Variants in EXO5 observed in about 807,000 individuals in gnomAD.
The protein encoded by EXO5 is exonuclease 5.
Under a neutral mutation model 17.8 loss-of-function variants are expected in EXO5, and 11 were observed. The ratio of observed to expected loss-of-function variants is 0.62; its 90% CI spans 0.39 to 1.02. EXO5 has a LOEUF of 1.02. EXO5 is among the 50% of genes least tolerant of loss of function. The pLI is 0.00. For synonymous variants in EXO5, 147 were observed against 166.5 expected, an observed-to-expected ratio of 0.88 and a Z score of 0.90; for missense variants, 364 against 434.8, an observed-to-expected ratio of 0.84 and a Z score of 1.45.
Position 40,515,111 on chromosome 1 carries a change from G to A in EXO5, c.567G>A (p.Lys189=), listed in dbSNP as rs769203925. 6.8e-6 allele frequency: 11 copies of A among 1,614,048 alleles called. No homozygotes were observed. In the East Asian group the frequency reaches 2.4e-4, roughly 36 times the overall value. Residue 189 remains lysine (K), a synonymous_variant, in exon 4 of 4, where the codon AAG becomes AAA. Transcript: ENST00000415550. ...GVIDELHYTA[K]GELELAELKT... ...TTGATGAGCTGCACTATACAGCCAAGGGGGAACTGGAGCTGGCGGAACTCA... is the reference window on the plus strand; with the variant it reads ...TTGATGAGCTGCACTATACAGCCAAAGGGGAACTGGAGCTGGCGGAACTCA...
chr1:40,512,627 G>A lies in EXO5; in HGVS notation c.-30-1888G>A, dbSNP rs566096308. Among the ~76,000 whole-genome samples the A allele has an allele frequency of 2.6e-5, 4 of 152,128 alleles. No individual in the cohort carries two copies. In the South Asian group the frequency reaches 8.3e-4, roughly 32 times the overall value. ...AATTTTCTTTTTCTTTTGAGATGGA[G>A]TCTTCACTCTGTCACCCAGGCTGGA... On this transcript the variant is annotated intron_variant, in intron 3 of 3. Coordinates refer to ENST00000415550, the MANE Select transcript of EXO5 (RefSeq NM_001346953.2).
chr1:40,513,954 G>C lies in EXO5; in HGVS notation c.-30-561G>C, dbSNP rs111382147. On this transcript the variant is annotated intron_variant, in intron 3 of 3. Transcript: ENST00000415550. ...GGTGATTTGCTTAAAGTCACACACA[G>C]TATGTTAGTGGAAGATCCAGGAATA... is the stretch of plus-strand genomic sequence containing the variant. Among the ~76,000 whole-genome samples the C allele has an allele frequency of 9.7e-3, 1,477 of 152,050 alleles. 18 individuals are homozygous for C. Among genetic ancestry groups the C allele is most frequent in the South Asian group, 0.033 (161 of 4,814 alleles).
intron 3 of EXO5, among the ~76,000 whole-genome samples, chr1:40,512,977 A>C (rs1323952866): frequency 6.6e-6 from 1 of 152,110 alleles, no homozygotes; most frequent in Non-Finnish European, 1.5e-5. Flanking sequence ...TCCCCATCCC[A>C]CAGTAGGGTA....
At chr1:40,514,328 G>T in intron 3 of EXO5, 187 bp from the exon 4 acceptor site, 1 of 445,776 alleles carries the variant, frequency 2.2e-6, no homozygotes, top group Non-Finnish European at 3.9e-6. Context: ...TATATATAAG[G>T]AGCCCTATAG....
intron 3 of EXO5, among the ~76,000 whole-genome samples, chr1:40,511,682 G>A (rs1570075973): frequency 2.0e-5 from 3 of 152,144 alleles, no homozygotes; most frequent in East Asian, 3.8e-4. Context: ...GCAAGAAGGG[G>A]ACATTTGGTT....
chr1:40,511,089 G>GC (rs1645768668), intron 3 of EXO5, among the ~76,000 whole-genome samples: 1 of 152,142 alleles, frequency 6.6e-6, no homozygotes, highest in Non-Finnish European at 1.5e-5. Context: ...ACAAAAATTA[G>GC]CTGGGCGCGG....
chr1:40,510,539 A>G (rs1557579921), intron 3 of EXO5, among the ~76,000 whole-genome samples: 1 of 152,256 alleles, frequency 6.6e-6, no homozygotes, highest in Non-Finnish European at 1.5e-5. Context: ...TTCCCTGTTT[A>G]GAACTACCTG....
At chr1:40,511,136 G>A (rs1215813078) in intron 3 of EXO5, among the ~76,000 whole-genome samples, 1 of 152,204 alleles carries the variant, frequency 6.6e-6, no homozygotes, top group African/African-American at 2.4e-5. Flanking sequence ...TCGGGAGGCT[G>A]AGGCAGGAGA....
chr1:40,511,018 G>T (rs953092899), intron 3 of EXO5, among the ~76,000 whole-genome samples: 5 of 152,126 alleles, frequency 3.3e-5, no homozygotes, highest in African/African-American at 1.2e-4. Flanking sequence ...GGTGCATCAC[G>T]AGGTCAGGAG....
At position 40,515,820 on chromosome 1, in the gene EXO5, C is replaced by A; in HGVS notation, c.*154C>A. 1 of 758,564 alleles carries A rather than the reference C, an allele frequency of 1.3e-6. No individual in the cohort carries two copies. The highest frequency in any genetic ancestry group is 2.1e-6 in the Non-Finnish European group (1 of 471,200). The allele number at this position is 758,564 out of a possible 1,614,324, so 47.0% of individuals were successfully genotyped here. A position where few individuals can be genotyped will look rare whatever the true frequency, so the allele number is the denominator to read the frequency against. On this transcript the variant is annotated 3_prime_UTR_variant, in exon 4 of 4. Coordinates refer to ENST00000415550, the MANE Select transcript of EXO5 (RefSeq NM_001346953.2). ...ACCTCTAACCACATTCAGTCCAGGACCAAGGCTCAGGGATGAGTGGGAGAG... is the reference window on the plus strand; with the variant it reads ...ACCTCTAACCACATTCAGTCCAGGAACAAGGCTCAGGGATGAGTGGGAGAG...
chr1:40,512,831 G>T (rs1247722625), intron 3 of EXO5, among the ~76,000 whole-genome samples: 1 of 152,054 alleles, frequency 6.6e-6, no homozygotes, highest in East Asian at 1.9e-4. Context: ...GGCCAGGCTG[G>T]TCTCAAACTC....
chr1:40,513,884 C>T lies in EXO5; in HGVS notation c.-30-631C>T, dbSNP rs72935416. 9.3e-3 allele frequency among the ~76,000 whole-genome samples: 1,412 copies of T among 152,064 alleles called. 23 individuals are homozygous for T. Among genetic ancestry groups the T allele is most frequent in the African/African-American group, 0.033 (1,358 of 41,490 alleles). The stretch of plus-strand genomic sequence containing the variant: ...GATTACAGGTGTGAGCCACCCGCCC[C>T]GCCTCAAAGCTCTTTTTAAATCTGA... On this transcript the variant is annotated intron_variant, in intron 3 of 3. Transcript: ENST00000415550.
At chr1:40,514,484 G>C in intron 3 of EXO5, 31 bp from the exon 4 acceptor site, 1 of 1,483,598 alleles carries the variant, frequency 6.7e-7, no homozygotes, top group Non-Finnish European at 9.0e-7. Flanking sequence ...GTTTTTATTT[G>C]AACAATGCAT....
At chr1:40,513,371 T>C (rs1394154408) in intron 3 of EXO5, among the ~76,000 whole-genome samples, 1 of 152,202 alleles carries the variant, frequency 6.6e-6, no homozygotes, top group African/African-American at 2.4e-5. Context: ...AAAACAGTTA[T>C]TGCAGAGCTC....
intron 3 of EXO5, among the ~76,000 whole-genome samples, chr1:40,513,517 T>G (rs1398006699): frequency 6.6e-6 from 1 of 152,128 alleles, no homozygotes; most frequent in African/African-American, 2.4e-5. Flanking sequence ...TATATTCACT[T>G]AAAATAATGA....
At chr1:40,509,161 C>CA (rs1645722735) in intron 1 of EXO5, 1 of 152,286 alleles carries the variant, frequency 6.6e-6, no homozygotes, top group African/African-American at 2.4e-5. Flanking sequence ...AGGAAGTGCT[C>CA]AGTACACTTT....
intron 3 of EXO5, among the ~76,000 whole-genome samples, chr1:40,513,315 G>C (rs749480328): frequency 7.2e-5 from 11 of 152,098 alleles, no homozygotes; most frequent in Non-Finnish European, 1.3e-4. Flanking sequence ...TCTATATATA[G>C]TTGATCTTTG....
chr1:40,514,570 C>A lies in EXO5; in HGVS notation c.26C>A (p.Thr9Lys). ...ATGGCAGAGACAAGAGAAGAGGAGA[C>A]AGTGTCAGCAGAAGCCTCAGGGTTC... MAETREEE[T>K]VSAEASGFSD... Residue 9 changes from threonine to lysine, a missense_variant, in exon 4 of 4, where the codon ACA becomes AAA. By Grantham distance (78) the Thr-to-Lys change is moderately conservative. Transcript: ENST00000415550. The A allele has an allele frequency of 6.2e-7, 1 of 1,613,820 alleles. No individual in the cohort carries two copies. The highest frequency in any genetic ancestry group is 1.6e-4 in the Middle Eastern group (1 of 6,062).
At chr1:40,513,685 T>C (rs187470868) in intron 3 of EXO5, among the ~76,000 whole-genome samples, 12 of 151,760 alleles carry the variant, frequency 7.9e-5, no homozygotes, top group African/African-American at 2.9e-4. Context: ...CATCTCCCTG[T>C]TCAAGCAATT....
Sources: allele counts gnomAD v4.1 joint callset (sites outside exome capture counted in the v4.1 genomes callset), GRCh38; gene constraint gnomAD v4.1.1; transcripts MANE v1.5; gene names NCBI Gene and HGNC (gene_info 2026-07-23, HGNC 2026-07-21).